The following SKP2 variants were observed in gnomAD, a reference collection of about 807,000 sequenced individuals.
The protein encoded by SKP2 is S-phase kinase-associated protein 2.
In SKP2, 16 loss-of-function variants were observed where a neutral mutation model predicts 51.8. That is an observed-to-expected ratio of 0.31 (90% CI 0.21 to 0.47). SKP2 has a LOEUF of 0.47. Among genes scored for constraint, SKP2 ranks in the 20% least tolerant of loss-of-function variants. SKP2 has a pLI of 1.00. For missense variants in SKP2, 377 were observed against 505.3 expected (o/e 0.75, Z 2.43); for synonymous variants, 176 against 198.6 (o/e 0.89, Z 0.96).
intron 5 of SKP2, 68 bp downstream of exon 5, chr5:36,168,515 A>C (rs1745367119): frequency 2.8e-6 from 4 of 1,452,654 alleles, no homozygotes; most frequent in East Asian, 2.3e-5. Flanking sequence ...CCCTGTATAT[A>C]ACTGGGGTGC....
chr5:36,152,114 G>T lies in SKP2; in HGVS notation c.-149G>T. The T allele has an allele frequency of 1.3e-6, 1 of 764,292 alleles. No individual in the cohort carries two copies. The highest frequency in any genetic ancestry group is 2.3e-6 in the Non-Finnish European group (1 of 444,226). The allele number at this position is 764,292 out of a possible 1,614,324, so 47.3% of individuals were successfully genotyped here. ...GGCTGTAGAGCCTTGCGCGCGCAGT[G>T]GGGATGGAACGTTGCTAGGCTTAGC... On this transcript the variant is annotated 5_prime_UTR_variant, in exon 1 of 10. Transcript: ENST00000274255.
intron 2 of SKP2, among the ~76,000 whole-genome samples, chr5:36,159,803 A>G (rs975094174): frequency 1.2e-4 from 18 of 152,172 alleles, no homozygotes; most frequent in Non-Finnish European, 2.5e-4. Flanking sequence ...CAAATAAACT[A>G]CTTGAAGTCA....
intron 2 of SKP2, among the ~76,000 whole-genome samples, chr5:36,154,681 A>G (rs948381698): frequency 8.5e-5 from 13 of 152,252 alleles, no homozygotes; most frequent in African/African-American, 2.9e-4. Context: ...GGCATGCACC[A>G]CCACGCCCAG....
At chr5:36,159,615 C>T (rs1189749303) in intron 2 of SKP2, among the ~76,000 whole-genome samples, 1 of 152,208 alleles carries the variant, frequency 6.6e-6, no homozygotes, top group African/African-American at 2.4e-5. Context: ...CCCCAGCACT[C>T]GTGCCCTTGG....
intron 6 of SKP2, among the ~76,000 whole-genome samples, chr5:36,189,340 C>T (rs7707549): frequency 0.017 from 2,657 of 152,114 alleles, 93 homozygotes; most frequent in African/African-American, 0.062. Flanking sequence ...CTGTTTTTTC[C>T]CTATCTTTGT....
Position 36,182,226 on chromosome 5 carries a change from C to T in SKP2, c.*195C>T. ...ATGATTCTAAAAGCTTCTATCACTG[C>T]TTTGCTCTTAAGAGCCAAAGTTGTA... is the stretch of plus-strand genomic sequence containing the variant. On this transcript the variant is annotated 3_prime_UTR_variant, in exon 10 of 10. Coordinates refer to ENST00000274255, the MANE Select transcript of SKP2 (RefSeq NM_005983.4). The T allele has an allele frequency of 7.2e-7, 1 of 1,380,550 alleles. No homozygotes were observed. The highest frequency in any genetic ancestry group is 9.4e-7 in the Non-Finnish European group (1 of 1,069,212). The allele number at this position is 1,380,550 out of a possible 1,614,324, so 85.5% of individuals were successfully genotyped here. A position where few individuals can be genotyped will look rare whatever the true frequency, so the allele number is the denominator to read the frequency against.
intron 9 of SKP2, among the ~76,000 whole-genome samples, chr5:36,177,747 G>GA (rs1745680402): frequency 6.6e-6 from 1 of 151,922 alleles, no homozygotes. Flanking sequence ...GGATAGTGAA[G>GA]AAATTGGAAA....
At chr5:36,171,358 C>G (rs574186888) in intron 6 of SKP2, among the ~76,000 whole-genome samples, 3 of 152,276 alleles carry the variant, frequency 2.0e-5, no homozygotes, top group East Asian at 1.9e-4. Flanking sequence ...TTTGAGCCAT[C>G]AGGTGCTTCT....
chr5:36,166,724 G>T, intron 4 of SKP2, 62 bp downstream of exon 4: 3 of 1,011,974 alleles, frequency 3.0e-6, no homozygotes, highest in Middle Eastern at 2.4e-4. Flanking sequence ...ACAGATCAAA[G>T]CTTTTTTTTT....
chr5:36,166,009 C>T (rs1193553237), intron 3 of SKP2, among the ~76,000 whole-genome samples: 1 of 152,144 alleles, frequency 6.6e-6, no homozygotes, highest in African/African-American at 2.4e-5. Context: ...TGAACCATGA[C>T]TGTTGCTATT....
chr5:36,191,389 GTTCTT>G (rs1561048416), intron 6 of SKP2, among the ~76,000 whole-genome samples: 2 of 148,644 alleles, frequency 1.3e-5, no homozygotes, highest in Non-Finnish European at 1.5e-5. Flanking sequence ...GTATCATCAA[GTTCTT>G]TTTTTTTTTT....
chr5:36,153,093 A>G (rs772231681), intron 2 of SKP2, 51 bp downstream of exon 2: 5 of 1,558,756 alleles, frequency 3.2e-6, no homozygotes, highest in Non-Finnish European at 4.4e-6. Context: ...GGATTTAGCT[A>G]TGTTGTTGGG....
chr5:36,189,452 G>C (rs948668563), intron 6 of SKP2, among the ~76,000 whole-genome samples: 1 of 152,232 alleles, frequency 6.6e-6, no homozygotes, highest in African/African-American at 2.4e-5. Flanking sequence ...AGGACCCTCA[G>C]CTGCACGTCT....
Position 36,183,187 on chromosome 5 carries a change from G to A in SKP2, c.*1156G>A. 1 of 974,534 alleles carries A rather than the reference G, an allele frequency of 1.0e-6. No individual in the cohort carries two copies. The highest frequency in any genetic ancestry group is 1.2e-6 in the Non-Finnish European group (1 of 820,086). 60.4% of individuals were successfully genotyped at this position (974,534 alleles called of 1,614,324 possible). Reference sequence around the variant, plus strand: ...CCTACATAAGAGTTAAAATCCAGATGTGGGACCTTTTGATACCATCAGTGA... The same window carrying A: ...CCTACATAAGAGTTAAAATCCAGATATGGGACCTTTTGATACCATCAGTGA... On this transcript the variant is annotated 3_prime_UTR_variant, in exon 10 of 10. Transcript: ENST00000274255.
chr5:36,189,493 G>A (rs892993842), intron 6 of SKP2, among the ~76,000 whole-genome samples: 4 of 152,188 alleles, frequency 2.6e-5, no homozygotes, highest in Admixed American at 1.3e-4. Flanking sequence ...CACTCCAGAC[G>A]CTGTTTGCCT....
At chr5:36,179,011 GTAT>G (rs1443225413) in intron 9 of SKP2, among the ~76,000 whole-genome samples, 3 of 152,098 alleles carry the variant, frequency 2.0e-5, no homozygotes, top group Admixed American at 1.3e-4. Context: ...AACCTTCACT[GTAT>G]TATTATTTCT....
downstream of SKP2, among the ~76,000 whole-genome samples, chr5:36,187,539 C>T (rs905511534): frequency 1.3e-5 from 2 of 151,850 alleles, no homozygotes; most frequent in South Asian, 2.1e-4. Flanking sequence ...TGTAGTTGAG[C>T]AGTTTTGAGT....
At chr5:36,165,959 C>T (rs544047037) in intron 3 of SKP2, among the ~76,000 whole-genome samples, 29 of 152,124 alleles carry the variant, frequency 1.9e-4, no homozygotes, top group African/African-American at 6.8e-4. Flanking sequence ...TACATATACA[C>T]GTGTATGTTT....
chr5:36,176,771 C>T (rs189144759), intron 7 of SKP2, among the ~76,000 whole-genome samples, 194 bp from the exon 8 acceptor site: 12 of 151,960 alleles, frequency 7.9e-5, no homozygotes, highest in Admixed American at 6.6e-4. Context: ...TTTTCTTTTT[C>T]GGATGATTCT....
Sources: allele counts gnomAD v4.1 joint callset (sites outside exome capture counted in the v4.1 genomes callset), GRCh38; gene constraint gnomAD v4.1.1; transcripts MANE v1.5; gene names NCBI Gene and HGNC (gene_info 2026-07-23, HGNC 2026-07-21).